Variants in MED13L observed in about 807,000 individuals in gnomAD.
MED13L encodes the protein mediator of RNA polymerase II transcription subunit 13-like.
In MED13L, 7 loss-of-function variants were observed where a neutral mutation model predicts 220.9. The ratio of observed to expected loss-of-function variants is 0.03; its 90% CI spans 0.02 to 0.06. MED13L has a LOEUF of 0.06. MED13L is among the 10% of genes least tolerant of loss of function. The pLI, the probability that MED13L is intolerant of heterozygous loss-of-function variation, is 1.00. For synonymous variants in MED13L, 1,011 were observed against 1,015.2 expected, an observed-to-expected ratio of 1.00 and a Z score of 0.08; for missense variants, 1,965 against 2,760.5, an observed-to-expected ratio of 0.71 and a Z score of 6.46.
intron 4 of MED13L, among the ~76,000 whole-genome samples, chr12:116,026,238 G>A (rs1880386012): frequency 6.6e-6 from 1 of 152,078 alleles, no homozygotes; most frequent in African/African-American, 2.4e-5. Flanking sequence ...GAAAGTCTAA[G>A]GAATTGTTAT....
chr12:116,058,122 A>C (rs1421387887), intron 4 of MED13L, among the ~76,000 whole-genome samples: 1 of 152,182 alleles, frequency 6.6e-6, no homozygotes, highest in East Asian at 1.9e-4. Flanking sequence ...AAGACATCAA[A>C]CATACTTTCT....
chr12:116,264,999 G>A (rs927503026), intron 1 of MED13L, among the ~76,000 whole-genome samples: 1 of 152,180 alleles, frequency 6.6e-6, no homozygotes, highest in African/African-American at 2.4e-5. Context: ...TAGACAGACA[G>A]ACAGATAGAA....
At chr12:116,229,038 T>C (rs544954870) in intron 2 of MED13L, among the ~76,000 whole-genome samples, 21 of 151,958 alleles carry the variant, frequency 1.4e-4, no homozygotes, top group Non-Finnish European at 2.5e-4. Context: ...CAGCCTCCCA[T>C]AGTGCTGGGA....
At chr12:115,975,881 C>T (rs1876904545) in intron 23 of MED13L, 143 bp from the exon 24 acceptor site, 5 of 740,296 alleles carry the variant, frequency 6.8e-6, no homozygotes, top group Non-Finnish European at 1.2e-5. Context: ...ACTAGAGACA[C>T]ATAAATAGTA....
intron 2 of MED13L, among the ~76,000 whole-genome samples, chr12:116,201,695 G>C (rs764106988): frequency 6.6e-6 from 1 of 152,102 alleles, no homozygotes; most frequent in African/African-American, 2.4e-5. Context: ...ACGTGTATGG[G>C]TGCTTTTTTT....
chr12:116,127,605 C>T (rs1029192663), intron 2 of MED13L, among the ~76,000 whole-genome samples: 1 of 152,128 alleles, frequency 6.6e-6, no homozygotes, highest in Non-Finnish European at 1.5e-5. Context: ...CCTAAAGAAA[C>T]AGTAAACATA....
chr12:116,267,928 T>C (rs1448398603), intron 1 of MED13L, among the ~76,000 whole-genome samples: 1 of 152,186 alleles, frequency 6.6e-6, no homozygotes, highest in Non-Finnish European at 1.5e-5. Context: ...ATCTAAAATA[T>C]TACCAAGCCA....
At chr12:116,139,284 A>G (rs897678016) in intron 2 of MED13L, among the ~76,000 whole-genome samples, 11 of 152,324 alleles carry the variant, frequency 7.2e-5, no homozygotes, top group Non-Finnish European at 1.3e-4. Context: ...ACTAAAAGAT[A>G]AAACACACAG....
In MED13L at chr12:115,963,450, C is replaced by T. The variant is rs766852388; in HGVS notation, c.6457G>A (p.Val2153Ile). Residue 2153 changes from valine (V) to isoleucine (I), a missense_variant, in exon 30 of 31, where the codon GTT becomes ATT. By Grantham distance (29) the Val-to-Ile change is conservative (BLOSUM62 3). Around this residue, in one of 10 missense-constraint regions of MED13L, gnomAD observed 145 missense variants for 328.3 expected, o/e 0.44. Coordinates refer to ENST00000281928, the MANE Select transcript of MED13L (RefSeq NM_015335.5). ...ELLPARNSQR[V>I]PHPLDSKTTS... is the part of the protein sequence containing the mutation. ...GTTTTGGAGTCAAGAGGGTGTGGAACCCGCTGAGAATTCCTGGCAGGCAGA... is the reference window on the plus strand; with the variant it reads ...GTTTTGGAGTCAAGAGGGTGTGGAATCCGCTGAGAATTCCTGGCAGGCAGA... 4 of 1,614,110 alleles carry T rather than the reference C, an allele frequency of 2.5e-6. No homozygotes were observed. The highest frequency in any genetic ancestry group is 1.3e-5 in the African/African-American group (1 of 74,936).
At chr12:116,249,315 G>A (rs923294884) in intron 1 of MED13L, among the ~76,000 whole-genome samples, 11 of 151,990 alleles carry the variant, frequency 7.2e-5, no homozygotes, top group African/African-American at 2.7e-4. Flanking sequence ...TCAAGCCTCA[G>A]AAAAAAAGTA....
intron 4 of MED13L, among the ~76,000 whole-genome samples, chr12:116,034,636 G>C (rs1241766535): frequency 6.6e-6 from 1 of 152,138 alleles, no homozygotes; most frequent in Admixed American, 6.5e-5. Context: ...TTTCTCCATA[G>C]TCTTCTCATA....
At chr12:116,267,695 T>C (rs1022495499) in intron 1 of MED13L, among the ~76,000 whole-genome samples, 2 of 152,186 alleles carry the variant, frequency 1.3e-5, no homozygotes, top group African/African-American at 4.8e-5. Context: ...GAAAACAATC[T>C]TTTGAATGTT....
At chr12:116,050,592 C>G (rs1255920904) in intron 4 of MED13L, among the ~76,000 whole-genome samples, 2 of 152,006 alleles carry the variant, frequency 1.3e-5, no homozygotes, top group Non-Finnish European at 2.9e-5. Flanking sequence ...AATGGTTACA[C>G]AAGCTCTACG....
At chr12:116,244,753 A>G (rs1365930492) in intron 1 of MED13L, among the ~76,000 whole-genome samples, 1 of 152,208 alleles carries the variant, frequency 6.6e-6, no homozygotes, top group Admixed American at 6.5e-5. Context: ...GAAGTTCTAG[A>G]CCAGCCTAAG....
rs1325823074 is a variant in MED13L, at chr12:115,959,458, A to G, written c.*1808T>C. Reference sequence around the variant, plus strand: ...CCCAAAGTGGTAAAAGATTACAAATATCTACTTTACAATTTGTCTTCTCAC... The same window carrying G: ...CCCAAAGTGGTAAAAGATTACAAATGTCTACTTTACAATTTGTCTTCTCAC... On this transcript the variant is annotated 3_prime_UTR_variant, in exon 31 of 31. Transcript: ENST00000281928. 2 of 152,628 alleles carry G rather than the reference A, an allele frequency of 1.3e-5. No homozygotes were observed. The highest frequency in any genetic ancestry group is 2.9e-5 in the Non-Finnish European group (2 of 68,028). The allele number at this position is 152,628 out of a possible 1,614,324, so 9.5% of individuals were successfully genotyped here.
At chr12:116,197,765 CAAAAAAAG>C (rs1372132391) in intron 2 of MED13L, among the ~76,000 whole-genome samples, 2 of 142,586 alleles carry the variant, frequency 1.4e-5, no homozygotes, top group African/African-American at 5.2e-5. Context: ...AACTCCGTCT[CAAAAAAAG>C]AAAAAAAGGA....
intron 4 of MED13L, among the ~76,000 whole-genome samples, chr12:116,048,035 CTT>C (rs60589463): frequency 6.8e-5 from 10 of 146,092 alleles, no homozygotes; most frequent in Non-Finnish European, 6.0e-5. Context: ...ATATATGTTA[CTT>C]TTTTTTTTTT....
intron 1 of MED13L, among the ~76,000 whole-genome samples, chr12:116,255,927 C>T (rs1050686518): frequency 1.3e-5 from 2 of 152,144 alleles, no homozygotes; most frequent in African/African-American, 4.8e-5. Flanking sequence ...TAGGGACGCT[C>T]AGCCAGTATA....
At chr12:116,038,744 CAAAAAAAAAAAAA>C (rs63703461) in intron 4 of MED13L, among the ~76,000 whole-genome samples, 18 of 75,260 alleles carry the variant, frequency 2.4e-4, no homozygotes, top group East Asian at 1.2e-3. Context: ...GTCAAAAGGC[CAAAAAAAAAAAAA>C]AAAAAAAAAA....
Sources: allele counts gnomAD v4.1 joint callset (sites outside exome capture counted in the v4.1 genomes callset), GRCh38; gene constraint gnomAD v4.1.1; regional missense constraint gnomAD v4.1.1; transcripts MANE v1.5; gene names NCBI Gene and HGNC (gene_info 2026-07-23, HGNC 2026-07-21).